The following GABRB1 variants were observed in gnomAD, a reference collection of about 807,000 sequenced individuals.
The protein encoded by GABRB1 is gamma-aminobutyric acid receptor subunit beta-1.
Under a neutral mutation model 51.6 loss-of-function variants are expected in GABRB1, and 17 were observed. The ratio of observed to expected loss-of-function variants is 0.33; its 90% confidence interval spans 0.23 to 0.49. GABRB1 has a LOEUF of 0.49. Among genes scored for constraint, GABRB1 ranks in the 20% least tolerant of loss-of-function variants. GABRB1 has a pLI of 0.99. For missense variants in GABRB1, 410 were observed against 600.6 expected, an observed-to-expected ratio of 0.68 and a Z score of 3.32; for synonymous variants, 247 against 218.9, an observed-to-expected ratio of 1.13 and a Z score of -1.14.
At chr4:47,365,537 A>AC (rs1726949864) in intron 5 of GABRB1, among the ~76,000 whole-genome samples, 2 of 151,644 alleles carry the variant, frequency 1.3e-5, no homozygotes, top group East Asian at 1.9e-4. Flanking sequence ...TCCTTGCTCC[A>AC]CCCCCGCTAT....
At chr4:47,056,364 TG>T (rs1462381435) in intron 3 of GABRB1, among the ~76,000 whole-genome samples, 4 of 152,208 alleles carry the variant, frequency 2.6e-5, no homozygotes, top group African/African-American at 9.6e-5. Context: ...GTTTCACTCT[TG>T]AGTTTGCCTG....
intron 4 of GABRB1, among the ~76,000 whole-genome samples, chr4:47,173,571 T>C (rs944833748): frequency 6.6e-6 from 1 of 152,186 alleles, no homozygotes; most frequent in Non-Finnish European, 1.5e-5. Context: ...TGACATGATA[T>C]CTACAAGTCA....
chr4:47,055,075 T>C (rs2109515447), intron 3 of GABRB1, among the ~76,000 whole-genome samples: 1 of 152,302 alleles, frequency 6.6e-6, no homozygotes, highest in African/African-American at 2.4e-5. Flanking sequence ...GTAGGGTAAG[T>C]AAGATGATCT....
intron 4 of GABRB1, among the ~76,000 whole-genome samples, chr4:47,215,972 G>A (rs941547061): frequency 1.3e-4 from 19 of 151,976 alleles, no homozygotes; most frequent in African/African-American, 3.6e-4. Flanking sequence ...CACATTTTAT[G>A]TTACCTTTTA....
chr4:47,253,110 T>C (rs1281710750), intron 4 of GABRB1, among the ~76,000 whole-genome samples: 1 of 152,196 alleles, frequency 6.6e-6, no homozygotes, highest in East Asian at 1.9e-4. Context: ...GTCACACCTC[T>C]GGGAAGTAGA....
chr4:47,210,083 C>T (rs1189610312), intron 4 of GABRB1, among the ~76,000 whole-genome samples: 5 of 152,068 alleles, frequency 3.3e-5, no homozygotes, highest in African/African-American at 1.2e-4. Context: ...GTTTTCCTTA[C>T]CCACTTGAAC....
intron 4 of GABRB1, among the ~76,000 whole-genome samples, chr4:47,223,877 G>A (rs1230737850): frequency 6.6e-6 from 1 of 152,082 alleles, no homozygotes; most frequent in Non-Finnish European, 1.5e-5. Flanking sequence ...TTCCACTAAA[G>A]CTAGAAGTAA....
intron 3 of GABRB1, among the ~76,000 whole-genome samples, chr4:47,110,974 G>GATA (rs1715188893): frequency 1.3e-5 from 2 of 151,984 alleles, no homozygotes; most frequent in Admixed American, 1.3e-4. Flanking sequence ...TGCAAATAAG[G>GATA]TTTACAAAAA....
At chr4:47,077,880 A>G (rs891042382) in intron 3 of GABRB1, among the ~76,000 whole-genome samples, 90 of 138,760 alleles carry the variant, frequency 6.5e-4, no homozygotes, top group African/African-American at 2.3e-3. Context: ...TATTATATGT[A>G]TTTTTATATA....
intron 5 of GABRB1, among the ~76,000 whole-genome samples, chr4:47,360,070 A>G (rs534307294): frequency 5.3e-5 from 8 of 151,974 alleles, no homozygotes; most frequent in East Asian, 3.9e-4. Flanking sequence ...ATATAATTAC[A>G]AGATGTACAA....
chr4:47,253,501 T>A (rs964648111), intron 4 of GABRB1, among the ~76,000 whole-genome samples: 3 of 152,206 alleles, frequency 2.0e-5, no homozygotes, highest in Non-Finnish European at 4.4e-5. Context: ...ATGTCTTCTT[T>A]GTAATGCAAT....
upstream of GABRB1, among the ~76,000 whole-genome samples, chr4:47,030,187 G>A (rs150767241): frequency 6.6e-6 from 1 of 152,014 alleles, no homozygotes; most frequent in African/African-American, 2.4e-5. Context: ...GTCATATTTT[G>A]TGTATTTAAA....
At chr4:47,215,171 C>T (rs1301016103) in intron 4 of GABRB1, among the ~76,000 whole-genome samples, 4 of 152,048 alleles carry the variant, frequency 2.6e-5, no homozygotes, top group Non-Finnish European at 5.9e-5. Context: ...CTGGATGGGA[C>T]ACCCACAATA....
intron 5 of GABRB1, among the ~76,000 whole-genome samples, chr4:47,385,767 G>A (rs977299322): frequency 1.4e-4 from 22 of 152,230 alleles, no homozygotes; most frequent in Admixed American, 1.0e-3. Context: ...TTGGGTTCCC[G>A]GGTTACCCAC....
At chr4:47,046,669 A>G (rs1250424816) in intron 3 of GABRB1, among the ~76,000 whole-genome samples, 2 of 148,262 alleles carry the variant, frequency 1.3e-5, no homozygotes, top group African/African-American at 5.0e-5. Context: ...GTAGGAAGGT[A>G]ATTGATATTC....
intron 4 of GABRB1, among the ~76,000 whole-genome samples, chr4:47,169,717 G>C (rs964191632): frequency 1.3e-5 from 2 of 152,096 alleles, no homozygotes; most frequent in African/African-American, 4.8e-5. Context: ...AGCCAGGCTG[G>C]TCTCGAACTC....
At chr4:47,065,583 C>T (rs148797843) in intron 3 of GABRB1, among the ~76,000 whole-genome samples, 8 of 152,346 alleles carry the variant, frequency 5.3e-5, no homozygotes, top group African/African-American at 1.4e-4. Context: ...CCATGAATGG[C>T]AATGTCTTGA....
At chr4:47,060,920 T>A (rs1480883613) in intron 3 of GABRB1, among the ~76,000 whole-genome samples, 1 of 152,200 alleles carries the variant, frequency 6.6e-6, no homozygotes, top group Non-Finnish European at 1.5e-5. Context: ...CTGCTAAATG[T>A]TAAGTGTCCA....
chr4:47,259,209 C>G (rs914237692), intron 4 of GABRB1, among the ~76,000 whole-genome samples: 4 of 152,090 alleles, frequency 2.6e-5, no homozygotes, highest in African/African-American at 9.7e-5. Flanking sequence ...ATCCAGCCTT[C>G]ACATTGTGCA....
Sources: gnomAD v4.1 joint callset for allele counts (sites outside exome capture counted in the v4.1 genomes callset) on GRCh38, gnomAD v4.1.1 for gene constraint, MANE v1.5 for transcripts, NCBI Gene and HGNC (gene_info 2026-07-23, HGNC 2026-07-21) for gene names.